The following SSBP3 variants were observed in gnomAD, a reference collection of about 807,000 sequenced individuals.
SSBP3 encodes single stranded DNA binding protein 3, also known as single-stranded DNA-binding protein 3.
SSBP3 carries 5 observed loss-of-function variants against 69.6 expected under a neutral mutation model. The observed-to-expected ratio is 0.07, with a 90% confidence interval of 0.04 to 0.15. The LOEUF is 0.15. Ranked by LOEUF, SSBP3 falls within the 10% of genes least tolerant of loss-of-function variation. The pLI is 1.00. For synonymous variants in SSBP3, 196 were observed against 193.4 expected, an observed-to-expected ratio of 1.01 and a Z score of -0.11; for missense variants, 312 against 534.0, an observed-to-expected ratio of 0.58 and a Z score of 4.10.
At chr1:54,406,299 T>C (rs1360080895) in exon 1 of SSBP3, 4 of 240,274 alleles carry the variant, frequency 1.7e-5, no homozygotes, top group Non-Finnish European at 3.1e-5. Flanking sequence ...GGCCGCCCGC[T>C]CTCCGCTCGC....
At chr1:54,367,311 C>A (rs1219410165) in intron 4 of SSBP3, among the ~76,000 whole-genome samples, 1 of 152,152 alleles carries the variant, frequency 6.6e-6, no homozygotes, top group Non-Finnish European at 1.5e-5. Context: ...CAGGCATGAT[C>A]CAGGCAATAA....
chr1:54,313,450 T>C lies in SSBP3; in HGVS notation c.277-31923A>G, dbSNP rs867304356. Among the ~76,000 whole-genome samples the C allele has an allele frequency of 9.7e-3, 1,434 of 148,198 alleles. 39 individuals carry two copies. Among genetic ancestry groups the C allele is most frequent in the African/African-American group, 0.034 (1,356 of 40,278 alleles). ...TGTGCCTGTGCTTTTTTTTTTTTTTTTTTTTTTTTTTCTTTTTAAAGAGCT... is the reference window on the plus strand; with the variant it reads ...TGTGCCTGTGCTTTTTTTTTTTTTTCTTTTTTTTTTTCTTTTTAAAGAGCT... On this transcript the variant is annotated intron_variant, in intron 4 of 17. Coordinates refer to ENST00000610401, the Ensembl canonical transcript of SSBP3.
intron 4 of SSBP3, among the ~76,000 whole-genome samples, chr1:54,380,632 C>A (rs1346183204): frequency 6.6e-6 from 1 of 152,220 alleles, no homozygotes; most frequent in Non-Finnish European, 1.5e-5. Context: ...CCGGCTCTCA[C>A]CTACGGAGGG....
At chr1:54,368,229 C>T (rs965482512) in intron 4 of SSBP3, among the ~76,000 whole-genome samples, 3 of 141,778 alleles carry the variant, frequency 2.1e-5, no homozygotes, top group South Asian at 2.3e-4. Context: ...ACCCGGGAGG[C>T]GGAGCTTGCA....
At chr1:54,369,223 G>GGA (rs1553146731) in intron 4 of SSBP3, among the ~76,000 whole-genome samples, 3 of 150,588 alleles carry the variant, frequency 2.0e-5, no homozygotes, top group African/African-American at 7.4e-5. Flanking sequence ...TGAGTCGGGG[G>GGA]GGGGGCCCAA....
intron 4 of SSBP3, among the ~76,000 whole-genome samples, chr1:54,327,736 G>C (rs1478844124): frequency 6.6e-6 from 1 of 152,028 alleles, no homozygotes; most frequent in African/African-American, 2.4e-5. Flanking sequence ...TTTTAAGTAC[G>C]AGTTATCCTG....
chr1:54,338,084 C>T (rs1646542158), intron 4 of SSBP3, among the ~76,000 whole-genome samples: 1 of 152,214 alleles, frequency 6.6e-6, no homozygotes, highest in Admixed American at 6.5e-5. Flanking sequence ...CACTCAACAG[C>T]AACTAAACCG....
intron 4 of SSBP3, among the ~76,000 whole-genome samples, chr1:54,357,458 C>T (rs940913266): frequency 1.3e-5 from 2 of 152,234 alleles, no homozygotes; most frequent in African/African-American, 4.8e-5. Flanking sequence ...CATAAGGGTG[C>T]TAGCACTATT....
chr1:54,303,966 C>A (rs1192015437), intron 4 of SSBP3, among the ~76,000 whole-genome samples: 1 of 152,176 alleles, frequency 6.6e-6, no homozygotes, highest in Admixed American at 6.5e-5. Flanking sequence ...TACCAGACAG[C>A]GCTGCTCCAC....
At chr1:54,235,549 G>A (rs1026687830) in intron 14 of SSBP3, among the ~76,000 whole-genome samples, 9 of 145,212 alleles carry the variant, frequency 6.2e-5, no homozygotes, top group Non-Finnish European at 1.2e-4. Flanking sequence ...TCCGCCTCCC[G>A]GGTTCAAGCA....
intron 5 of SSBP3, among the ~76,000 whole-genome samples, chr1:54,268,881 G>T (rs563502656): frequency 5.5e-4 from 84 of 152,298 alleles, no homozygotes; most frequent in African/African-American, 1.9e-3. Context: ...CTGTGGTGCT[G>T]CTGGAAAAGC....
chr1:54,250,585 G>A (rs1488572436), intron 9 of SSBP3, among the ~76,000 whole-genome samples: 1 of 152,180 alleles, frequency 6.6e-6, no homozygotes, highest in African/African-American at 2.4e-5. Context: ...AGAAACCAGT[G>A]CAGGGGGCCC....
intron 14 of SSBP3, among the ~76,000 whole-genome samples, chr1:54,231,928 A>C (rs1209563673): frequency 6.6e-6 from 1 of 152,140 alleles, no homozygotes; most frequent in Admixed American, 6.5e-5. Context: ...TCCTGACCTC[A>C]AATGATCCAC....
chr1:54,232,785 T>C (rs1028423750), intron 14 of SSBP3, among the ~76,000 whole-genome samples: 1 of 152,178 alleles, frequency 6.6e-6, no homozygotes, highest in Non-Finnish European at 1.5e-5. Context: ...GGTTTCGCTG[T>C]GTTGGCCGGG....
intron 14 of SSBP3, chr1:54,237,883 C>T: frequency 2.9e-6 from 1 of 342,446 alleles, no homozygotes; most frequent in Non-Finnish European, 5.9e-6. Context: ...ATCACAAGTC[C>T]TGATGCCAGC....
intron 4 of SSBP3, among the ~76,000 whole-genome samples, chr1:54,296,667 C>T (rs970658765): frequency 1.3e-5 from 2 of 152,196 alleles, no homozygotes; most frequent in Non-Finnish European, 2.9e-5. Context: ...CTGCCTCACA[C>T]GACTTGTGAG....
chr1:54,339,388 C>G (rs1470219682), intron 4 of SSBP3, among the ~76,000 whole-genome samples: 1 of 152,188 alleles, frequency 6.6e-6, no homozygotes, highest in Non-Finnish European at 1.5e-5. Flanking sequence ...AGCGTGAGCT[C>G]TGAAATTAAT....
At chr1:54,299,128 CTG>C (rs2100989831) in intron 4 of SSBP3, among the ~76,000 whole-genome samples, 2 of 152,230 alleles carry the variant, frequency 1.3e-5, no homozygotes, top group African/African-American at 4.8e-5. Context: ...AGACAGGACT[CTG>C]TGCAGGTTGC....
chr1:54,276,271 G>A (rs1319481105), intron 5 of SSBP3, among the ~76,000 whole-genome samples: 2 of 152,116 alleles, frequency 1.3e-5, no homozygotes, highest in South Asian at 2.1e-4. Flanking sequence ...CTTTAACCCT[G>A]TGACCTCTGC....
Sources: allele counts gnomAD v4.1 joint callset (sites outside exome capture counted in the v4.1 genomes callset), GRCh38; gene constraint gnomAD v4.1.1; transcripts MANE v1.5; gene names NCBI Gene and HGNC (gene_info 2026-07-23, HGNC 2026-07-21).